The following LINGO1 variants were observed in gnomAD, a reference collection of about 807,000 sequenced individuals.
The protein encoded by LINGO1 is leucine-rich repeat and immunoglobulin-like domain-containing nogo receptor-interacting protein 1.
LINGO1 carries 11 observed loss-of-function variants against 37.3 expected under a neutral mutation model. The ratio of observed to expected loss-of-function variants is 0.29; its 90% CI spans 0.19 to 0.49. The LOEUF (loss-of-function observed/expected upper bound fraction) is 0.49, where lower values mean the gene tolerates loss of function less well. LINGO1 is among the 20% of genes least tolerant of loss of function. The pLI is 0.99. For synonymous variants in LINGO1, 387 were observed against 403.0 expected (o/e 0.96, Z 0.48); for missense variants, 585 against 878.2 (o/e 0.67, Z 4.22).
At chr15:77,763,884 G>C (rs932879607) in intron 1 of LINGO1, among the ~76,000 whole-genome samples, 1 of 152,230 alleles carries the variant, frequency 6.6e-6, no homozygotes, top group South Asian at 2.1e-4. Context: ...CATGGGAAAA[G>C]GTGGCCGCTC....
chr15:77,672,261 T>C (rs1299197083), intron 3 of LINGO1, among the ~76,000 whole-genome samples: 1 of 140,002 alleles, frequency 7.1e-6, no homozygotes, highest in Non-Finnish European at 1.5e-5. Flanking sequence ...TACCCAACCC[T>C]CCCCTTTCAC....
chr15:77,802,123 G>A (rs1218253228), intron 1 of LINGO1, among the ~76,000 whole-genome samples: 1 of 152,158 alleles, frequency 6.6e-6, no homozygotes, highest in Non-Finnish European at 1.5e-5. Flanking sequence ...CAGAGAGTGG[G>A]GGGATGAGCC....
chr15:77,817,465 C>T lies in LINGO1; in HGVS notation c.-458+2793G>A, dbSNP rs559947880. Among the ~76,000 whole-genome samples, 14 of 152,242 alleles carry T rather than the reference C, an allele frequency of 9.2e-5. No individual in the cohort carries two copies. In the South Asian group the frequency reaches 2.5e-3, roughly 27 times the overall value. On this transcript the variant is annotated intron_variant, in intron 1 of 5. Transcript: ENST00000562933. The stretch of plus-strand genomic sequence containing the variant: ...AGTGCCAGGTTGGGCGGGAGTGATT[C>T]GGATCCCTGGGATGGTAGTGAACTC...
chr15:77,807,235 T>A (rs2076967646), intron 1 of LINGO1, among the ~76,000 whole-genome samples: 3 of 152,248 alleles, frequency 2.0e-5, no homozygotes, highest in Non-Finnish European at 4.4e-5. Flanking sequence ...CCACCTGTAG[T>A]GCAACTCAGT....
rs759061384 is a variant in LINGO1 at position 77,614,973 on chromosome 15, G to T, written c.934C>A (p.Arg312=). ...IEGSMLHELL[R]LQEIQLVGGQ... ...CCCACCAGCTGGATCTCCTGCAGCC[G>T]GAGCAGCTCATGCAACATGGAGCCC... Residue 312 remains arginine (R), a synonymous_variant, in exon 2 of 2, where the codon CGG becomes AGG. Transcript: ENST00000355300. The T allele has an allele frequency of 1.2e-6, 2 of 1,613,938 alleles. No individual in the cohort carries two copies. The highest frequency in any genetic ancestry group is 1.7e-6 in the Non-Finnish European group (2 of 1,179,858).
chr15:77,804,374 C>G (rs771779047), intron 1 of LINGO1, among the ~76,000 whole-genome samples: 1 of 152,168 alleles, frequency 6.6e-6, no homozygotes, highest in Non-Finnish European at 1.5e-5. Flanking sequence ...GGCCCCGGGT[C>G]CCAAGCCAAG....
At chr15:77,795,740 G>A (rs936302320) in intron 2 of LINGO1, among the ~76,000 whole-genome samples, 1 of 152,208 alleles carries the variant, frequency 6.6e-6, no homozygotes, top group African/African-American at 2.4e-5. Flanking sequence ...TGGGAAGAAC[G>A]CCCCACGCTT....
intron 2 of LINGO1, among the ~76,000 whole-genome samples, chr15:77,705,174 G>GACACACACACACACACACACACACAC (rs72451354): frequency 0.038 from 3,790 of 98,584 alleles, 269 homozygotes; most frequent in Non-Finnish European, 0.051. Flanking sequence ...CCCCTGCCAT[G>GACACACACACACACACACACACACAC]ACACACACAC....
intron 3 of LINGO1, among the ~76,000 whole-genome samples, chr15:77,650,256 G>C (rs1302040629): frequency 2.0e-5 from 3 of 152,202 alleles, no homozygotes; most frequent in Non-Finnish European, 2.9e-5. Flanking sequence ...AAGACTCGAG[G>C]CTTTCAGAGA....
intron 2 of LINGO1, among the ~76,000 whole-genome samples, chr15:77,726,496 G>A (rs1453584472): frequency 6.6e-6 from 1 of 152,248 alleles, no homozygotes; most frequent in Non-Finnish European, 1.5e-5. Context: ...AAGAAAGAAT[G>A]AGCTTGCAGT....
intron 3 of LINGO1, chr15:77,642,085 C>A: frequency 2.4e-6 from 1 of 422,842 alleles, no homozygotes. Context: ...GACAGTAGGC[C>A]CTCATAAATG....
intron 1 of LINGO1, among the ~76,000 whole-genome samples, chr15:77,750,215 C>T (rs1269763368): frequency 1.3e-5 from 2 of 152,058 alleles, no homozygotes; most frequent in South Asian, 2.1e-4. Context: ...ACCCCAGGGT[C>T]GGGGGACACC....
chr15:77,747,099 G>A (rs1477011981), intron 1 of LINGO1, among the ~76,000 whole-genome samples: 2 of 152,150 alleles, frequency 1.3e-5, no homozygotes, highest in Admixed American at 6.5e-5. Context: ...CCTGCCTTTA[G>A]CTCCACTGAG....
chr15:77,774,413 A>G (rs1269618706), intron 1 of LINGO1, among the ~76,000 whole-genome samples: 1 of 151,680 alleles, frequency 6.6e-6, no homozygotes, highest in African/African-American at 2.4e-5. Flanking sequence ...AGCAGCCCCC[A>G]CCAATTCCAC....
At chr15:77,668,409 C>G (rs2075178916) in intron 3 of LINGO1, among the ~76,000 whole-genome samples, 1 of 152,166 alleles carries the variant, frequency 6.6e-6, no homozygotes, top group Non-Finnish European at 1.5e-5. Flanking sequence ...TGGGGACTTG[C>G]AAGGCTTCCA....
chr15:77,676,607 C>G (rs983336750), intron 3 of LINGO1, among the ~76,000 whole-genome samples: 1 of 152,128 alleles, frequency 6.6e-6, no homozygotes, highest in African/African-American at 2.4e-5. Flanking sequence ...GACGATGTCC[C>G]ACAGAGAGCT....
In LINGO1 at chr15:77,653,602, C is replaced by T. The variant is rs1361515354; in HGVS notation, c.-13+23487G>A. On this transcript the variant is annotated intron_variant, in intron 3 of 3. Coordinates refer to the LINGO1 transcript ENST00000559893. Reference sequence around the variant, plus strand: ...TTCATCTGTTAAACGAGGCACGGGACCAGGGGCAGGTTACCCAGCTGGGAG... The same window carrying T: ...TTCATCTGTTAAACGAGGCACGGGATCAGGGGCAGGTTACCCAGCTGGGAG... Among the ~76,000 whole-genome samples, 7 of 152,342 alleles carry T rather than the reference C, an allele frequency of 4.6e-5. No individual in the cohort carries two copies. In the East Asian group the frequency reaches 1.3e-3, roughly 29 times the overall value.
At chr15:77,707,136 G>C (rs2075862601) in intron 2 of LINGO1, among the ~76,000 whole-genome samples, 3 of 152,214 alleles carry the variant, frequency 2.0e-5, no homozygotes, top group African/African-American at 7.2e-5. Flanking sequence ...CTGCAGGCAG[G>C]GATGCTGGAG....
chr15:77,747,238 C>T (rs1275247727), intron 1 of LINGO1, among the ~76,000 whole-genome samples: 1 of 152,218 alleles, frequency 6.6e-6, no homozygotes, highest in Non-Finnish European at 1.5e-5. Flanking sequence ...CCTCCTCTCC[C>T]CTGGCAACAC....
Sources: allele counts gnomAD v4.1 joint callset (sites outside exome capture counted in the v4.1 genomes callset), GRCh38; gene constraint gnomAD v4.1.1; transcripts MANE v1.5; gene names NCBI Gene and HGNC (gene_info 2026-07-23, HGNC 2026-07-21).